TMTC4: variants seen among roughly 807,000 people sequenced by gnomAD.
The protein encoded by TMTC4 is transmembrane O-mannosyltransferase targeting cadherins 4.
Under a neutral mutation model 86.0 loss-of-function variants are expected in TMTC4, and 65 were observed. That is an observed-to-expected ratio of 0.76 (90% CI 0.62 to 0.93). The LOEUF (loss-of-function observed/expected upper bound fraction) is 0.93, where lower values mean the gene tolerates loss of function less well. Ranked by LOEUF, TMTC4 falls within the 40% of genes least tolerant of loss-of-function variation. TMTC4 has a pLI of 0.00. For synonymous variants in TMTC4, 379 were observed against 382.5 expected, an observed-to-expected ratio of 0.99 and a Z score of 0.11; for missense variants, 866 against 948.1, an observed-to-expected ratio of 0.91 and a Z score of 1.14.
At chr13:100,634,567 C>T (rs1225088262) in intron 12 of TMTC4, among the ~76,000 whole-genome samples, 2 of 151,960 alleles carry the variant, frequency 1.3e-5, no homozygotes, top group African/African-American at 2.4e-5. Context: ...TCATTAGAGT[C>T]ATCTGTTTCA....
At chr13:100,648,283 T>C (rs11842875) in intron 6 of TMTC4, among the ~76,000 whole-genome samples, 15,929 of 152,114 alleles carry the variant, frequency 0.1, 918 homozygotes, top group Non-Finnish European at 0.14. Flanking sequence ...CCAGGTGGGA[T>C]GTGTTGTTAG....
At chr13:100,674,864 G>GCGCACCCGACCCCCCCCC, upstream of TMTC4, 3 of 916,870 alleles carry the variant, frequency 3.3e-6, no homozygotes, top group Non-Finnish European at 3.9e-6. Context: ...GACCCCCCCC[G>GCGCACCCGACCCCCCCCC]CGCCGCGCCT....
intron 5 of TMTC4, among the ~76,000 whole-genome samples, chr13:100,658,669 T>C (rs188279894): frequency 7.7e-4 from 118 of 152,324 alleles, no homozygotes; most frequent in African/African-American, 2.7e-3. Context: ...GTGGCTAGTG[T>C]AGATTTGAAG....
At chr13:100,674,438 C>G in intron 1 of TMTC4, 3 of 898,932 alleles carry the variant, frequency 3.3e-6, no homozygotes, top group Non-Finnish European at 4.0e-6. Context: ...CAGGCAGGGG[C>G]TGGGGGCGGC....
At chr13:100,632,045 ACACACACACTCTCT>A (rs1401286798) in intron 12 of TMTC4, among the ~76,000 whole-genome samples, 22 of 65,100 alleles carry the variant, frequency 3.4e-4, no homozygotes, top group East Asian at 1.0e-3. Flanking sequence ...ACACACACAC[ACACACACACTCTCT>A]CTCTCTCTCT....
At chr13:100,620,857 A>C (rs1879363527) in intron 15 of TMTC4, among the ~76,000 whole-genome samples, 1 of 152,140 alleles carries the variant, frequency 6.6e-6, no homozygotes, top group Non-Finnish European at 1.5e-5. Flanking sequence ...ACAAACAAAA[A>C]ACCCTCTTAA....
At chr13:100,662,922 C>T (rs1463277183) in intron 5 of TMTC4, 42 bp downstream of exon 5, 1 of 1,607,716 alleles carries the variant, frequency 6.2e-7, no homozygotes, top group Admixed American at 1.7e-5. Flanking sequence ...TGTCATATCG[C>T]TTCTCACGTG....
At chr13:100,674,871 G>C (rs1887669703), upstream of TMTC4, 13 of 967,040 alleles carry the variant, frequency 1.3e-5, no homozygotes, top group Non-Finnish European at 1.6e-5. Context: ...CCCGCGCCGC[G>C]CCTCCCGCAG....
chr13:100,668,776 CATT>C lies in TMTC4; in HGVS notation c.19_21del (p.Asn7del). The C allele has an allele frequency of 6.2e-7, 1 of 1,614,158 alleles. No individual in the cohort carries two copies. Among genetic ancestry groups the C allele is most frequent in the Non-Finnish European group, 8.5e-7 (1 of 1,180,026 alleles). On this transcript the variant is annotated inframe_deletion, in exon 3 of 19. Transcript: ENST00000342624. ...GCAGGTTGGTGGCTCCCGGCTCCAGCATTATGCTGGTTAGGAATCTGCAGGAAA... is the reference window on the plus strand; with the variant it reads ...GCAGGTTGGTGGCTCCCGGCTCCAGCATGCTGGTTAGGAATCTGCAGGAAA...
chr13:100,636,509 T>TC (rs1882225298), intron 10 of TMTC4, 23 bp downstream of exon 10: 1 of 1,613,662 alleles, frequency 6.2e-7, no homozygotes, highest in Admixed American at 1.7e-5. Context: ...GCGTGGAACT[T>TC]AAGATTCAGT....
At chr13:100,653,035 G>C (rs1156510220) in intron 6 of TMTC4, among the ~76,000 whole-genome samples, 1 of 152,082 alleles carries the variant, frequency 6.6e-6, no homozygotes, top group Non-Finnish European at 1.5e-5. Context: ...ACCTTAACCG[G>C]AATTATTTTT....
chr13:100,648,250 G>A (rs562985181), intron 6 of TMTC4, among the ~76,000 whole-genome samples: 1 of 152,180 alleles, frequency 6.6e-6, no homozygotes, highest in Admixed American at 6.5e-5. Flanking sequence ...TACAGCTAAT[G>A]AGTGCTTGAA....
At chr13:100,643,481 C>A (rs997475678) in intron 6 of TMTC4, among the ~76,000 whole-genome samples, 2 of 152,208 alleles carry the variant, frequency 1.3e-5, no homozygotes, top group African/African-American at 4.8e-5. Flanking sequence ...TACATAGGAA[C>A]ACCTGGCCAT....
intron 3 of TMTC4, among the ~76,000 whole-genome samples, chr13:100,667,890 T>C (rs1416411560): frequency 6.6e-6 from 1 of 152,206 alleles, no homozygotes. Context: ...TTTCATCTTT[T>C]CCCACAAACC....
chr13:100,630,042 T>A (rs1238510308), intron 12 of TMTC4, among the ~76,000 whole-genome samples: 4 of 151,600 alleles, frequency 2.6e-5, no homozygotes, highest in African/African-American at 9.7e-5. Flanking sequence ...TGTGTGTGTG[T>A]GTGTGTGTGT....
rs552811294 is a variant in TMTC4 at position 100,606,561 on chromosome 13, G to A, written c.2065-134C>T. On this transcript the variant is annotated intron_variant, in intron 17 of 18. Transcript: ENST00000342624. ...TCAATGCATTCCTCCAGAAACACTC[G>A]GAAGGCCCAGCGGGGCCACGCTCTG... 2.3e-4 allele frequency: 162 copies of A among 715,242 alleles called. 5 individuals are homozygous for A. The South Asian group carries it at 2.9e-3, about 13-fold the overall frequency. The allele number at this position is 715,242 out of a possible 1,614,324, so 44.3% of individuals were successfully genotyped here. A position where few individuals can be genotyped will look rare whatever the true frequency, so the allele number is the denominator to read the frequency against.
rs561739500 is a variant in TMTC4 at position 100,622,166 on chromosome 13, T to G, written c.1836+3369A>C. Among the ~76,000 whole-genome samples the G allele has an allele frequency of 2.2e-4, 33 of 152,244 alleles. No homozygotes were observed. The East Asian group carries it at 6.2e-3, about 28-fold the overall frequency. On this transcript the variant is annotated intron_variant, in intron 15 of 18. Coordinates refer to ENST00000342624, the MANE Select transcript of TMTC4 (RefSeq NM_032813.5). ...GCAAGGTCAGTGGTTCTGGAGAAAG[T>G]TAATGTGAGACAAAGGAATATCTTG...
In TMTC4 at chr13:100,604,831, A is replaced by T; in HGVS notation, c.*163T>A. The T allele has an allele frequency of 3.2e-6, 2 of 628,804 alleles. No homozygotes were observed. Among genetic ancestry groups the T allele is most frequent in the Non-Finnish European group, 4.9e-6 (2 of 409,770 alleles). The allele number at this position is 628,804 out of a possible 1,614,324, so 39.0% of individuals were successfully genotyped here. A position where few individuals can be genotyped will look rare whatever the true frequency, so the allele number is the denominator to read the frequency against. On this transcript the variant is annotated 3_prime_UTR_variant, in exon 19 of 19. Transcript: ENST00000342624. ...AAAATCATATCACGCATTCAAGAGT[A>T]TATTGCTGGTGCTATAATCTTTTTG...
chr13:100,622,796 C>A (rs748991572), intron 15 of TMTC4, among the ~76,000 whole-genome samples: 20 of 151,892 alleles, frequency 1.3e-4, no homozygotes, highest in Admixed American at 3.3e-4. Flanking sequence ...TATTATTATA[C>A]TTTAAGTTTT....
Sources: gnomAD v4.1 joint callset for allele counts (sites outside exome capture counted in the v4.1 genomes callset) on GRCh38, gnomAD v4.1.1 for gene constraint, MANE v1.5 for transcripts, NCBI Gene and HGNC (gene_info 2026-07-23, HGNC 2026-07-21) for gene names.